EXOSC7: variants seen among roughly 807,000 people sequenced by gnomAD.
The protein encoded by EXOSC7 is exosome complex component RRP42.
In EXOSC7, 25 loss-of-function variants were observed where a neutral mutation model predicts 34.3. The ratio of observed to expected loss-of-function variants is 0.73; its 90% CI spans 0.53 to 1.02. The LOEUF (loss-of-function observed/expected upper bound fraction) is 1.02, where lower values mean the gene tolerates loss of function less well. Ranked by LOEUF, EXOSC7 falls within the 50% of genes least tolerant of loss-of-function variation. The pLI, the probability that EXOSC7 is intolerant of heterozygous loss-of-function variation, is 0.00. For missense variants in EXOSC7, 370 were observed against 368.5 expected (o/e 1.00, Z -0.03); for synonymous variants, 130 against 143.0 (o/e 0.91, Z 0.65).
intron 4 of EXOSC7, among the ~76,000 whole-genome samples, chr3:45,000,793 A>G (rs950609776): frequency 6.6e-6 from 1 of 152,176 alleles, no homozygotes; most frequent in African/African-American, 2.4e-5. Flanking sequence ...GTTAGCAAAG[A>G]TTAGAGTAAC....
At chr3:45,009,320 C>T (rs1306331564) in intron 7 of EXOSC7, among the ~76,000 whole-genome samples, 1 of 152,172 alleles carries the variant, frequency 6.6e-6, no homozygotes, top group Non-Finnish European at 1.5e-5. Flanking sequence ...CTTGGTGGAG[C>T]TGAGAGCCTT....
chr3:44,983,226 A>G (rs182061420), intron 1 of EXOSC7, among the ~76,000 whole-genome samples: 1 of 152,298 alleles, frequency 6.6e-6, no homozygotes, highest in Admixed American at 6.5e-5. Context: ...CAGGAGATTG[A>G]AACTTAGGTG....
At chr3:45,003,462 A>G (rs2125971682) in intron 5 of EXOSC7, among the ~76,000 whole-genome samples, 1 of 151,892 alleles carries the variant, frequency 6.6e-6, no homozygotes, top group Non-Finnish European at 1.5e-5. Flanking sequence ...CCCTTACAGA[A>G]CTCCTTGGCC....
At chr3:44,999,755 T>C (rs1005648070) in intron 4 of EXOSC7, among the ~76,000 whole-genome samples, 1 of 152,206 alleles carries the variant, frequency 6.6e-6, no homozygotes, top group African/African-American at 2.4e-5. Flanking sequence ...TTTTGAAAAT[T>C]GTATTATTGA....
chr3:45,002,002 T>C (rs1367874253), intron 5 of EXOSC7: 1 of 176,298 alleles, frequency 5.7e-6, no homozygotes, highest in Non-Finnish European at 1.2e-5. Flanking sequence ...CCATGAACAG[T>C]ACCTGACACA....
chr3:44,982,771 A>G (rs777396151), intron 1 of EXOSC7, among the ~76,000 whole-genome samples: 2 of 152,188 alleles, frequency 1.3e-5, no homozygotes, highest in African/African-American at 4.8e-5. Flanking sequence ...TTACAGACCC[A>G]TGGCACAGAA....
intron 4 of EXOSC7, among the ~76,000 whole-genome samples, chr3:44,998,828 A>T (rs142069622): frequency 1.3e-5 from 2 of 152,178 alleles, no homozygotes; most frequent in African/African-American, 2.4e-5. Context: ...GCAATTTTTC[A>T]GGTCCTGGGT....
chr3:45,003,036 G>C (rs1207680094), intron 5 of EXOSC7, among the ~76,000 whole-genome samples: 1 of 152,234 alleles, frequency 6.6e-6, no homozygotes, highest in Non-Finnish European at 1.5e-5. Flanking sequence ...AGACAAGGCT[G>C]TTTAGCTGTG....
rs758966230 is a variant in EXOSC7 at position 45,005,370 on chromosome 3, C to T, written c.571C>T (p.Arg191Ter). The change falls in exon 6 of 8, where the codon CGA becomes TGA. Residue 191 changes from arginine (R) to a stop codon, truncating the protein, a stop_gained. Coordinates refer to ENST00000265564, the MANE Select transcript of EXOSC7 (RefSeq NM_015004.4). LOFTEE classifies it high-confidence loss of function. ...ELSDDPYDCIRLSVENVPCIV... is the reference protein window; with the variant it reads ...ELSDDPYDCI ...GTCAGATGACCCTTATGACTGCATACGACTAAGTGTGGAGAATGTCCCCTG... is the reference window on the plus strand; with the variant it reads ...GTCAGATGACCCTTATGACTGCATATGACTAAGTGTGGAGAATGTCCCCTG... The T allele has an allele frequency of 3.2e-5, 52 of 1,613,900 alleles. No homozygotes were observed. The highest frequency in any genetic ancestry group is 2.1e-4 in the South Asian group (19 of 91,084).
In EXOSC7 at chr3:44,990,440, C is replaced by G. The variant is rs6777004; in HGVS notation, c.254+796C>G. ...TATTTGGTTGCTGGCCAGGTCCCGT[C>G]TTCTATCAATTACTTTGCTTCTGGA... is the stretch of plus-strand genomic sequence containing the variant. On this transcript the variant is annotated intron_variant, in intron 3 of 7. Transcript: ENST00000265564. Among the ~76,000 whole-genome samples, 204 of 152,228 alleles carry G rather than the reference C, an allele frequency of 1.3e-3. 1 individual carries two copies. Among genetic ancestry groups the G allele is most frequent in the African/African-American group, 4.6e-3 (193 of 41,528 alleles).
At chr3:45,009,712 AT>A (rs914286502) in intron 7 of EXOSC7, among the ~76,000 whole-genome samples, 1 of 151,660 alleles carries the variant, frequency 6.6e-6, no homozygotes, top group Non-Finnish European at 1.5e-5. Flanking sequence ...CTCCCAGTTA[AT>A]TTTTTTGTAT....
chr3:44,981,515 C>A (rs1706268970), intron 1 of EXOSC7, among the ~76,000 whole-genome samples: 1 of 152,080 alleles, frequency 6.6e-6, no homozygotes, highest in African/African-American at 2.4e-5. Flanking sequence ...TTAAACCATC[C>A]ACACTAGATC....
At position 45,005,317 on chromosome 3, in the gene EXOSC7, A is replaced by G. The variant is rs780221494; in HGVS notation, c.518A>G (p.Asp173Gly). Reference protein sequence around the residue: ...TRIPRVRVLEDEEGSKDIELS... With the variant: ...TRIPRVRVLEGEEGSKDIELS... ...ATACCAAGGGTTCGAGTTTTGGAGG[A>G]TGAAGAGGGGTCGAAGGACATTGAA... The change falls in exon 6 of 8, where the codon GAT becomes GGT. Residue 173 changes from aspartate to glycine, a missense_variant. Asp to Gly is a moderately conservative substitution (Grantham distance 94). Around this residue, in one of 3 missense-constraint regions of EXOSC7, gnomAD observed 255 missense variants for 246.4 expected, o/e 1.03. Coordinates refer to ENST00000265564, the MANE Select transcript of EXOSC7 (RefSeq NM_015004.4). 2 of 1,614,002 alleles carry G rather than the reference A, an allele frequency of 1.2e-6. No individual in the cohort carries two copies. The highest frequency in any genetic ancestry group is 1.7e-6 in the Non-Finnish European group (2 of 1,180,006).
chr3:44,986,096 C>T (rs1393053316), intron 1 of EXOSC7, among the ~76,000 whole-genome samples: 2 of 152,150 alleles, frequency 1.3e-5, no homozygotes, highest in Non-Finnish European at 2.9e-5. Flanking sequence ...AGCTGCCTGC[C>T]AGTCCCCTGC....
At chr3:44,984,223 C>T (rs539429993) in intron 1 of EXOSC7, among the ~76,000 whole-genome samples, 1 of 152,310 alleles carries the variant, frequency 6.6e-6, no homozygotes, top group Non-Finnish European at 1.5e-5. Context: ...GTAATCCCAG[C>T]ACTTTGGGAG....
chr3:44,985,559 A>T (rs980563935), intron 1 of EXOSC7, among the ~76,000 whole-genome samples: 1 of 137,288 alleles, frequency 7.3e-6, no homozygotes, highest in Non-Finnish European at 1.6e-5. Flanking sequence ...GGAGTTGTTC[A>T]TTCCTCCCGA....
At chr3:45,007,620 G>C in intron 7 of EXOSC7, 45 bp downstream of exon 7, 1 of 1,528,614 alleles carries the variant, frequency 6.5e-7, no homozygotes, top group Non-Finnish European at 8.8e-7. Context: ...TGGCCGGGGT[G>C]CCTGCTGCTT....
intron 1 of EXOSC7, 40 bp downstream of exon 1, chr3:44,976,374 G>A (rs750270579): frequency 6.5e-7 from 1 of 1,528,060 alleles, no homozygotes; most frequent in South Asian, 1.2e-5. Context: ...GCCGGGTTCA[G>A]CCTGGCCCTG....
intron 6 of EXOSC7, among the ~76,000 whole-genome samples, 172 bp downstream of exon 6, chr3:45,005,586 A>G (rs190662096): frequency 1.1e-4 from 17 of 152,374 alleles, no homozygotes; most frequent in African/African-American, 4.1e-4. Context: ...TACCACGAGT[A>G]GCTCTTTCTT....
Sources: gnomAD v4.1 joint callset for allele counts (sites outside exome capture counted in the v4.1 genomes callset) on GRCh38, gnomAD v4.1.1 for gene constraint, gnomAD v4.1.1 regional missense constraint, MANE v1.5 for transcripts, NCBI Gene and HGNC (gene_info 2026-07-23, HGNC 2026-07-21) for gene names.